Variants in DNAH12 observed in about 807,000 individuals in gnomAD.
DNAH12 encodes dynein axonemal heavy chain 12.
A neutral mutation model predicts 371.5 loss-of-function variants in DNAH12; 285 were observed. The ratio of observed to expected loss-of-function variants is 0.77; its 90% CI spans 0.70 to 0.85. The LOEUF is 0.85. Among genes scored for constraint, DNAH12 ranks in the 40% least tolerant of loss-of-function variants. DNAH12 has a pLI of 0.00. For missense variants in DNAH12, 3,611 were observed against 3,689.4 expected, an observed-to-expected ratio of 0.98 and a Z score of 0.55; for synonymous variants, 1,200 against 1,213.0, an observed-to-expected ratio of 0.99 and a Z score of 0.22.
chr3:57,344,789 G>A (rs1553657522), intron 60 of DNAH12, among the ~76,000 whole-genome samples: 1 of 152,148 alleles, frequency 6.6e-6, no homozygotes, highest in Non-Finnish European at 1.5e-5. Context: ...TAGAGGCTGG[G>A]AAACAGGGAA....
rs750934170 is a variant in DNAH12 at position 57,309,724 on chromosome 3, C to T, written c.11027G>A (p.Gly3676Glu). 18 of 1,550,370 alleles carry T rather than the reference C, an allele frequency of 1.2e-5. No homozygotes were observed. The highest frequency in any genetic ancestry group is 1.5e-5 in the Non-Finnish European group (17 of 1,146,564). ...LLTQGGSKQT[G>E]ASGSTDQILL... ...AATCTGATCAGTACTTCCTGAGGCT[C>T]CTGTCTGTTTGGAGCCTCCCTGGGT... Residue 3676 changes from glycine (G) to glutamate (E), a missense_variant, in exon 68 of 74, where the codon GGA becomes GAA. Physicochemically the swap from Gly to Glu is moderately conservative, Grantham distance 98. Around this residue, in one of 3 missense-constraint regions of DNAH12, gnomAD observed 2,266 missense variants for 2,236.9 expected, o/e 1.01. Transcript: ENST00000495027.
At chr3:57,415,339 G>A (rs1286238997) in intron 38 of DNAH12, 87 bp downstream of exon 38, 3 of 1,458,480 alleles carry the variant, frequency 2.1e-6, no homozygotes, top group Admixed American at 2.8e-5. Flanking sequence ...GATTTACACA[G>A]TTGCTTATTT....
chr3:57,300,027 G>T (rs902442830), intron 70 of DNAH12, among the ~76,000 whole-genome samples: 1 of 152,120 alleles, frequency 6.6e-6, no homozygotes. Context: ...ATACCTTGCT[G>T]TGCCTGTAGC....
chr3:57,317,883 T>C (rs990083407), intron 65 of DNAH12, among the ~76,000 whole-genome samples: 1 of 152,186 alleles, frequency 6.6e-6, no homozygotes, highest in Non-Finnish European at 1.5e-5. Context: ...TGATATCTCA[T>C]TGTGGTTTTG....
chr3:57,350,014 T>G (rs2062633457), intron 60 of DNAH12, among the ~76,000 whole-genome samples: 1 of 152,172 alleles, frequency 6.6e-6, no homozygotes, highest in African/African-American at 2.4e-5. Context: ...CTAAGTGAAG[T>G]AACTCGCTTC....
chr3:57,439,713 C>T (rs1328320669), intron 29 of DNAH12, among the ~76,000 whole-genome samples: 1 of 151,764 alleles, frequency 6.6e-6, no homozygotes, highest in South Asian at 2.1e-4. Flanking sequence ...TACAGAGCTT[C>T]TGCATGGCAA....
At chr3:57,476,921 AAAG>A (rs1412745275) in intron 13 of DNAH12, among the ~76,000 whole-genome samples, 5 of 152,240 alleles carry the variant, frequency 3.3e-5, no homozygotes, top group African/African-American at 4.8e-5. Flanking sequence ...TAGTGAAACT[AAAG>A]AAATTCAAAG....
chr3:57,326,967 T>C (rs368916035), intron 62 of DNAH12, among the ~76,000 whole-genome samples: 9 of 151,898 alleles, frequency 5.9e-5, no homozygotes, highest in Admixed American at 1.3e-4. Flanking sequence ...CAAAGAAGGC[T>C]ATTACATAAT....
intron 36 of DNAH12, among the ~76,000 whole-genome samples, chr3:57,420,818 A>G (rs2064550386): frequency 6.7e-6 from 1 of 150,028 alleles, no homozygotes; most frequent in African/African-American, 2.5e-5. Context: ...CTGAGGCAGG[A>G]CAATGGCTTG....
At chr3:57,539,206 A>G (rs746072045) in intron 2 of DNAH12, among the ~76,000 whole-genome samples, 1 of 152,206 alleles carries the variant, frequency 6.6e-6, no homozygotes, top group African/African-American at 2.4e-5. Context: ...CCAGAGTGAT[A>G]TCTTTTAAAT....
At chr3:57,443,935 GGCTCACACCTGT>G (rs1425327591) in intron 29 of DNAH12, among the ~76,000 whole-genome samples, 1 of 152,122 alleles carries the variant, frequency 6.6e-6, no homozygotes, top group East Asian at 1.9e-4. Flanking sequence ...CAGGCACAGT[GGCTCACACCTGT>G]GATCCCAGCA....
chr3:57,424,983 T>G (rs940740448), intron 35 of DNAH12, 39 bp downstream of exon 35: 1 of 683,938 alleles, frequency 1.5e-6, no homozygotes. Context: ...GAAGCATAAT[T>G]TATTTATAAT....
chr3:57,453,376 G>C lies in DNAH12; in HGVS notation c.3484C>G (p.Gln1162Glu). ...TCTACAATCTCATTCAGTTGGTTCT[G>C]AAGTTCCTTATAATACTTCTTTAAT... is the stretch of plus-strand genomic sequence containing the variant. ...EGLKKYYKELQNQLNEIVELV... is the reference protein window; with the variant it reads ...EGLKKYYKELENQLNEIVELV... Residue 1162 changes from glutamine to glutamate, a missense_variant, in exon 24 of 74, where the codon CAG becomes GAG. By Grantham distance (29) the Gln-to-Glu change is conservative. Around this residue, in one of 3 missense-constraint regions of DNAH12, gnomAD observed 1,314 missense variants for 1,398.7 expected, o/e 0.94. Transcript: ENST00000495027. 1.9e-6 allele frequency: 3 copies of C among 1,547,846 alleles called. No homozygotes were observed. Among genetic ancestry groups the C allele is most frequent in the Non-Finnish European group, 2.6e-6 (3 of 1,145,826 alleles).
chr3:57,423,896 G>A (rs536237889), intron 35 of DNAH12, among the ~76,000 whole-genome samples: 4 of 151,772 alleles, frequency 2.6e-5, no homozygotes, highest in South Asian at 2.1e-4. Context: ...CTGCCACCAC[G>A]CCTGGCTAAT....
At chr3:57,403,564 T>C (rs1195305914) in intron 42 of DNAH12, 63 bp from the exon 43 acceptor site, 1 of 1,398,876 alleles carries the variant, frequency 7.1e-7, no homozygotes, top group Non-Finnish European at 9.6e-7. Context: ...TAGTTACATG[T>C]AACTATTGTT....
At chr3:57,309,318 C>T in intron 68 of DNAH12, 64 bp from the exon 69 acceptor site, 9 of 1,268,556 alleles carry the variant, frequency 7.1e-6, no homozygotes, top group Non-Finnish European at 9.9e-6. Context: ...TTAATTCAGC[C>T]ATTATATAAT....
At chr3:57,508,621 T>G in intron 6 of DNAH12, 81 bp from the exon 7 acceptor site, 3 of 1,480,256 alleles carry the variant, frequency 2.0e-6, no homozygotes, top group Non-Finnish European at 2.7e-6. Context: ...TAACATGAAA[T>G]TAGTATTGAA....
intron 52 of DNAH12, among the ~76,000 whole-genome samples, chr3:57,378,536 T>C (rs1386777839): frequency 3.3e-5 from 5 of 151,988 alleles, no homozygotes; most frequent in Admixed American, 2.0e-4. Flanking sequence ...CAAGCTACCA[T>C]ATATTTTCAT....
intron 34 of DNAH12, among the ~76,000 whole-genome samples, chr3:57,427,316 T>G (rs954240026): frequency 6.6e-6 from 1 of 152,118 alleles, no homozygotes; most frequent in Non-Finnish European, 1.5e-5. Flanking sequence ...GAAGACATCA[T>G]TCTGGATTAT....
Sources: gnomAD v4.1 joint callset for allele counts (sites outside exome capture counted in the v4.1 genomes callset) on GRCh38, gnomAD v4.1.1 for gene constraint, gnomAD v4.1.1 regional missense constraint, MANE v1.5 for transcripts, NCBI Gene and HGNC (gene_info 2026-07-23, HGNC 2026-07-21) for gene names.